Variants in NAV3 observed in about 807,000 individuals in gnomAD.
NAV3 encodes the protein neuron navigator 3, also known as pore membrane and/or filament interacting like protein 1.
Under a neutral mutation model 244.7 loss-of-function variants are expected in NAV3, and 87 were observed. The ratio of observed to expected loss-of-function variants is 0.36; its 90% CI spans 0.30 to 0.42. The LOEUF is 0.42. Among genes scored for constraint, NAV3 ranks in the 20% least tolerant of loss-of-function variants. The pLI is 1.00. For missense variants in NAV3, 2,663 were observed against 2,893.3 expected, an observed-to-expected ratio of 0.92 and a Z score of 1.83; for synonymous variants, 1,126 against 1,042.2, an observed-to-expected ratio of 1.08 and a Z score of -1.55.
chr12:78,096,191 T>C (rs1435133406), intron 12 of NAV3, among the ~76,000 whole-genome samples: 2 of 152,158 alleles, frequency 1.3e-5, no homozygotes, highest in Non-Finnish European at 2.9e-5. Flanking sequence ...CCCAACCAAT[T>C]ATATGGCTTC....
At chr12:77,985,913 T>C (rs1307278858) in intron 5 of NAV3, among the ~76,000 whole-genome samples, 1 of 152,186 alleles carries the variant, frequency 6.6e-6, no homozygotes, top group Non-Finnish European at 1.5e-5. Context: ...CTCTTACATA[T>C]CTAAGGAAAG....
intron 5 of NAV3, among the ~76,000 whole-genome samples, chr12:77,986,668 G>T (rs1870571159): frequency 6.6e-6 from 1 of 152,130 alleles, no homozygotes; most frequent in Non-Finnish European, 1.5e-5. Context: ...TTGCATGGAA[G>T]TCTGCTGTTA....
Position 78,007,303 on chromosome 12 carries a change from G to T in NAV3, c.1765G>T (p.Gly589Cys), listed in dbSNP as rs748366029. ...CPAPLEGREA[G>C]QASPSGSCTM... is the part of the protein sequence containing the mutation. ...TGCCCCTTTGGAAGGAAGGGAAGCT[G>T]GCCAAGCTTCTCCTTCTGGTTCCTG... The change falls in exon 8 of 40, where the codon GGC (glycine) becomes TGC (cysteine). Residue 589 changes from glycine to cysteine, a missense_variant. Physicochemically the swap from Gly to Cys is radical, Grantham distance 159. Around this residue, in one of 6 missense-constraint regions of NAV3, gnomAD observed 1,521 missense variants for 1,497.0 expected, o/e 1.02. Coordinates refer to ENST00000397909, the MANE Select transcript of NAV3 (RefSeq NM_001024383.2). 1.9e-6 allele frequency: 3 copies of T among 1,614,060 alleles called. No homozygotes were observed. Among genetic ancestry groups the T allele is most frequent in the Non-Finnish European group, 2.5e-6 (3 of 1,180,038 alleles).
intron 11 of NAV3, chr12:78,056,098 A>G (rs1225466539): frequency 2.0e-5 from 3 of 152,040 alleles, no homozygotes; most frequent in Admixed American, 2.0e-4. Context: ...CCTACATGAA[A>G]CTTCCCCTGT....
At chr12:77,946,818 T>A (rs959647282) in intron 3 of NAV3, among the ~76,000 whole-genome samples, 4 of 152,144 alleles carry the variant, frequency 2.6e-5, no homozygotes, top group Non-Finnish European at 5.9e-5. Flanking sequence ...GTTAGACATG[T>A]AGGGTAAAAG....
At chr12:77,977,712 G>GCGCGCGCGCA (rs1349366739) in intron 5 of NAV3, among the ~76,000 whole-genome samples, 13 of 143,000 alleles carry the variant, frequency 9.1e-5, no homozygotes, top group Admixed American at 5.5e-4. Flanking sequence ...ACACACACGC[G>GCGCGCGCGCA]CACACACACA....
At chr12:78,109,727 A>T (rs539507933) in intron 12 of NAV3, among the ~76,000 whole-genome samples, 34 of 152,076 alleles carry the variant, frequency 2.2e-4, no homozygotes, top group South Asian at 6.2e-4. Flanking sequence ...GCAGAAAAAA[A>T]TTTTTGATAA....
At chr12:78,206,814 T>A (rs1960361787) in intron 39 of NAV3, among the ~76,000 whole-genome samples, 1 of 150,560 alleles carries the variant, frequency 6.6e-6, no homozygotes, top group Admixed American at 6.6e-5. Context: ...TCTCTGGTTT[T>A]AAAAAAATAA....
rs760228797 is a variant in NAV3 at position 78,146,335 on chromosome 12, TATAGTTAAAGTC to T, written c.4684-33_4684-22del. 4.1e-6 allele frequency: 4 copies of T among 985,370 alleles called. No homozygotes were observed. In the South Asian group the frequency reaches 8.8e-5, roughly 22 times the overall value. The allele number at this position is 985,370 out of a possible 1,614,324, so 61.0% of individuals were successfully genotyped here. On this transcript the variant is annotated intron_variant, in intron 20 of 39. Transcript: ENST00000397909. ...TGTGGAATTAATTGAAAATAGTTTT[TATAGTTAAAGTC>T]TTTCTTTTTATTGTTTTACAGGCTG...
At chr12:77,797,311 C>T (rs188639796) in intron 2 of NAV3, among the ~76,000 whole-genome samples, 1 of 152,010 alleles carries the variant, frequency 6.6e-6, no homozygotes, top group Non-Finnish European at 1.5e-5. Context: ...AGTTCTCAGG[C>T]TCTCATTTGT....
intron 3 of NAV3, among the ~76,000 whole-genome samples, chr12:77,946,908 A>G (rs542237292): frequency 5.8e-4 from 88 of 152,236 alleles, no homozygotes; most frequent in African/African-American, 2.0e-3. Context: ...AAGAATGAGG[A>G]CATCTGATTA....
At chr12:77,760,068 T>C (rs1488427165) in intron 2 of NAV3, among the ~76,000 whole-genome samples, 6 of 152,206 alleles carry the variant, frequency 3.9e-5, no homozygotes, top group Non-Finnish European at 8.8e-5. Context: ...CTTTTGAACA[T>C]TGTGAGCACC....
chr12:77,962,030 T>G (rs1004567702), intron 3 of NAV3, among the ~76,000 whole-genome samples: 4 of 152,138 alleles, frequency 2.6e-5, no homozygotes, highest in Non-Finnish European at 4.4e-5. Flanking sequence ...ACATGACTTG[T>G]TAGCAGCTTT....
intron 12 of NAV3, among the ~76,000 whole-genome samples, chr12:78,081,168 C>T (rs1395894923): frequency 3.3e-5 from 5 of 152,032 alleles, no homozygotes; most frequent in African/African-American, 1.2e-4. Context: ...GTTATAACAC[C>T]TCTAGCATCT....
rs1171848406 is a variant in NAV3, at chr12:78,190,205, C to A, written c.6277C>A (p.His2093Asn). ...EDAIATFNVDHKSSKELQQYL... is the reference protein window; with the variant it reads ...EDAIATFNVDNKSSKELQQYL... The stretch of plus-strand genomic sequence containing the variant: ...TGCAATTGCCACTTTTAATGTGGAC[C>A]ACAAGTCAAGTAAGGTATGTTACAG... Residue 2093 changes from histidine to asparagine, a missense_variant, in exon 34 of 40, where the codon CAC becomes AAC. His to Asn is a moderately conservative substitution (Grantham distance 68, BLOSUM62 1). Coordinates refer to ENST00000397909, the MANE Select transcript of NAV3 (RefSeq NM_001024383.2). 5 of 1,611,330 alleles carry A rather than the reference C, an allele frequency of 3.1e-6. No individual in the cohort carries two copies. Among genetic ancestry groups the A allele is most frequent in the Non-Finnish European group, 4.2e-6 (5 of 1,178,550 alleles).
chr12:78,084,826 C>T lies in NAV3; in HGVS notation c.2636+25711C>T, dbSNP rs12301408. Among the ~76,000 whole-genome samples the T allele has an allele frequency of 5.3e-3, 810 of 152,154 alleles. 7 individuals are homozygous for T. Among genetic ancestry groups the T allele is most frequent in the African/African-American group, 0.018 (767 of 41,532 alleles). On this transcript the variant is annotated intron_variant, in intron 12 of 39. Transcript: ENST00000397909. ...GTTGCTAAATTCATTGTTTAATTTT[C>T]GTGTCTCTCCTGACTTGGCCTATCA...
Position 78,187,858 on chromosome 12 carries a change from T to G in NAV3, c.5791-390T>G, listed in dbSNP as rs199596631. Among the ~76,000 whole-genome samples, 28 of 152,000 alleles carry G rather than the reference T, an allele frequency of 1.8e-4. 1 individual carries two copies. The East Asian group carries it at 5.2e-3, about 28-fold the overall frequency. ...ATTCATATAATATGGTTCTGTTCTG[T>G]CTCTCTCACCATTTCCCTCCTACCA... On this transcript the variant is annotated intron_variant, in intron 31 of 39. Coordinates refer to ENST00000397909, the MANE Select transcript of NAV3 (RefSeq NM_001024383.2).
chr12:77,679,721 A>C (rs1339822446), intron 2 of NAV3, among the ~76,000 whole-genome samples: 1 of 152,146 alleles, frequency 6.6e-6, no homozygotes, highest in Non-Finnish European at 1.5e-5. Context: ...GCAGCCTGAG[A>C]GGCGAGAAGT....
intron 2 of NAV3, among the ~76,000 whole-genome samples, chr12:77,780,351 T>TA (rs945773326): frequency 1.3e-5 from 2 of 152,226 alleles, no homozygotes; most frequent in Non-Finnish European, 2.9e-5. Context: ...CTCAATATGT[T>TA]AAAATCTTCT....
Sources: allele counts gnomAD v4.1 joint callset (sites outside exome capture counted in the v4.1 genomes callset), GRCh38; gene constraint gnomAD v4.1.1; regional missense constraint gnomAD v4.1.1; transcripts MANE v1.5; gene names NCBI Gene and HGNC (gene_info 2026-07-23, HGNC 2026-07-21).